Variants in KCNH5 observed in about 807,000 individuals in gnomAD.
The protein encoded by KCNH5 is voltage-gated delayed rectifier potassium channel KCNH5.
KCNH5 carries 46 observed loss-of-function variants against 96.1 expected under a neutral mutation model. The ratio of observed to expected loss-of-function variants is 0.48; its 90% CI spans 0.38 to 0.61. The LOEUF is 0.61. KCNH5 is among the 20% of genes least tolerant of loss of function. The pLI is 0.00. For synonymous variants in KCNH5, 439 were observed against 449.8 expected (o/e 0.98, Z 0.30); for missense variants, 907 against 1,225.8 (o/e 0.74, Z 3.88).
Position 62,705,920 on chromosome 14 carries a change from T to A in KCNH5, c.*1588A>T, listed in dbSNP as rs1404382173. 1.3e-5 allele frequency: 2 copies of A among 152,060 alleles called. No homozygotes were observed. Among genetic ancestry groups the A allele is most frequent in the Non-Finnish European group, 2.9e-5 (2 of 67,934 alleles). The allele number at this position is 152,060 out of a possible 1,614,324, so 9.4% of individuals were successfully genotyped here. A position where few individuals can be genotyped will look rare whatever the true frequency, so the allele number is the denominator to read the frequency against. On this transcript the variant is annotated 3_prime_UTR_variant, in exon 11 of 11. Coordinates refer to ENST00000322893, the MANE Select transcript of KCNH5 (RefSeq NM_139318.5). ...CGTAATATATAAATTACTCACACAT[T>A]TTTTTCAACTTCATGCAAACACTAA... is the stretch of plus-strand genomic sequence containing the variant.
intron 2 of KCNH5, among the ~76,000 whole-genome samples, chr14:63,013,923 A>G (rs1168312967): frequency 6.6e-6 from 1 of 152,142 alleles, no homozygotes; most frequent in Non-Finnish European, 1.5e-5. Flanking sequence ...ATTTTAAAAG[A>G]GAATAAGGAA....
chr14:62,727,544 T>C (rs914755929), intron 10 of KCNH5, among the ~76,000 whole-genome samples: 3 of 152,260 alleles, frequency 2.0e-5, no homozygotes, highest in Non-Finnish European at 4.4e-5. Flanking sequence ...TTTGTAGACA[T>C]TTCTATATAT....
chr14:62,797,597 C>A (rs1314527490), intron 9 of KCNH5, among the ~76,000 whole-genome samples: 1 of 152,130 alleles, frequency 6.6e-6, no homozygotes, highest in Non-Finnish European at 1.5e-5. Flanking sequence ...CTCACAGATT[C>A]TCAAAATAAC....
intron 10 of KCNH5, among the ~76,000 whole-genome samples, chr14:62,720,052 T>C (rs1595593092): frequency 2.0e-5 from 3 of 152,150 alleles, no homozygotes; most frequent in African/African-American, 4.8e-5. Context: ...TATAAGGACA[T>C]AGGGAATGGC....
chr14:62,842,887 A>T (rs1887614127), intron 8 of KCNH5, among the ~76,000 whole-genome samples: 2 of 152,204 alleles, frequency 1.3e-5, no homozygotes, highest in Admixed American at 1.3e-4. Context: ...TTAAATACAT[A>T]TATGTAAATT....
At chr14:62,922,232 A>G (rs954418537) in intron 7 of KCNH5, among the ~76,000 whole-genome samples, 1 of 152,032 alleles carries the variant, frequency 6.6e-6, no homozygotes, top group African/African-American at 2.4e-5. Flanking sequence ...ATTTATATCT[A>G]TATCTATAGC....
chr14:62,885,584 A>G (rs896531900), intron 7 of KCNH5, among the ~76,000 whole-genome samples: 1 of 152,250 alleles, frequency 6.6e-6, no homozygotes, highest in South Asian at 2.1e-4. Flanking sequence ...ATCATAGTTT[A>G]TTCATTATAT....
At chr14:62,747,815 C>T (rs1431217917) in intron 10 of KCNH5, among the ~76,000 whole-genome samples, 1 of 152,154 alleles carries the variant, frequency 6.6e-6, no homozygotes, top group Admixed American at 6.6e-5. Context: ...AGATACTACT[C>T]ATAACAGAGG....
chr14:62,864,214 AATTG>A (rs1241136973), intron 7 of KCNH5, among the ~76,000 whole-genome samples: 2 of 152,200 alleles, frequency 1.3e-5, no homozygotes, highest in Non-Finnish European at 2.9e-5. Flanking sequence ...TTTCTGTATT[AATTG>A]ATTATTTTAC....
intron 7 of KCNH5, among the ~76,000 whole-genome samples, chr14:62,921,788 C>G (rs1956025): frequency 0.72 from 108,885 of 151,956 alleles, 40,012 homozygotes; most frequent in East Asian, 0.99. Flanking sequence ...CCTGATTTCA[C>G]AATGGACAAA....
At chr14:62,940,827 A>G (rs117866600) in intron 7 of KCNH5, among the ~76,000 whole-genome samples, 3,029 of 152,284 alleles carry the variant, frequency 0.02, 60 homozygotes, top group East Asian at 0.082. Context: ...TTCATTCAAC[A>G]TGTGTTCAAT....
intron 9 of KCNH5, among the ~76,000 whole-genome samples, chr14:62,799,434 G>A (rs966730603): frequency 5.3e-5 from 8 of 151,116 alleles, no homozygotes; most frequent in African/African-American, 1.7e-4. Context: ...TTAGCCGGGC[G>A]TGGTGGTGCA....
At position 62,846,489 on chromosome 14, in the gene KCNH5, T is replaced by A. The variant is rs565125130; in HGVS notation, c.1569+3164A>T. ...AAATTAAATATATTCACATATTTTC[T>A]TCTAATAGTTTACAGTTTCTTGTTT... On this transcript the variant is annotated intron_variant, in intron 8 of 10. Coordinates refer to ENST00000322893, the MANE Select transcript of KCNH5 (RefSeq NM_139318.5). Among the ~76,000 whole-genome samples, 102 of 151,928 alleles carry A rather than the reference T, an allele frequency of 6.7e-4. 1 individual carries two copies. The highest frequency in any genetic ancestry group is 1.3e-3 in the Non-Finnish European group (89 of 67,936).
At chr14:62,722,445 C>T (rs922758507) in intron 10 of KCNH5, among the ~76,000 whole-genome samples, 19 of 152,098 alleles carry the variant, frequency 1.2e-4, no homozygotes, top group African/African-American at 3.9e-4. Flanking sequence ...CAAGTCTACA[C>T]AGTGAAGAGT....
intron 8 of KCNH5, among the ~76,000 whole-genome samples, chr14:62,806,908 C>A (rs2140003860): frequency 6.6e-6 from 1 of 152,174 alleles, no homozygotes; most frequent in East Asian, 1.9e-4. Context: ...CAGGGTTAGG[C>A]ATGTACAGGA....
intron 8 of KCNH5, among the ~76,000 whole-genome samples, chr14:62,833,062 T>C (rs1025979667): frequency 6.6e-6 from 1 of 152,066 alleles, no homozygotes; most frequent in Admixed American, 6.5e-5. Flanking sequence ...TTTCTTATTA[T>C]ATAGGTTGCT....
chr14:62,843,150 C>T (rs1887619710), intron 8 of KCNH5, among the ~76,000 whole-genome samples: 1 of 152,068 alleles, frequency 6.6e-6, no homozygotes. Context: ...TTTTAACTAC[C>T]CATCATATAA....
chr14:62,916,412 T>A (rs1047801041), intron 7 of KCNH5, among the ~76,000 whole-genome samples: 2 of 152,216 alleles, frequency 1.3e-5, no homozygotes, highest in Non-Finnish European at 2.9e-5. Flanking sequence ...GTGTTCTTTA[T>A]AACAATGTCA....
chr14:62,860,977 A>C (rs113731851), intron 7 of KCNH5, among the ~76,000 whole-genome samples: 2 of 152,250 alleles, frequency 1.3e-5, no homozygotes, highest in South Asian at 2.1e-4. Flanking sequence ...ACACAGCCAG[A>C]GACTGCTGAT....
Sources: gnomAD v4.1 joint callset for allele counts (sites outside exome capture counted in the v4.1 genomes callset) on GRCh38, gnomAD v4.1.1 for gene constraint, MANE v1.5 for transcripts, NCBI Gene and HGNC (gene_info 2026-07-23, HGNC 2026-07-21) for gene names.